The following GRID2 variants were observed in gnomAD, a reference collection of about 807,000 sequenced individuals.
GRID2 encodes glutamate receptor ionotropic, delta-2.
GRID2 carries 33 observed loss-of-function variants against 114.8 expected under a neutral mutation model. The observed-to-expected ratio is 0.29, with a 90% CI of 0.22 to 0.38. The LOEUF (loss-of-function observed/expected upper bound fraction) is 0.38, where lower values mean the gene tolerates loss of function less well. GRID2 is among the 10% of genes least tolerant of loss of function. The probability of loss-of-function intolerance (pLI) is 1.00; values close to 1 mark genes in which losing one functional copy is unlikely to be tolerated. For synonymous variants in GRID2, 505 were observed against 449.9 expected (o/e 1.12, Z -1.55); for missense variants, 1,184 against 1,257.7 (o/e 0.94, Z 0.89).
intron 4 of GRID2, among the ~76,000 whole-genome samples, chr4:93,120,584 T>C (rs1432165412): frequency 6.6e-6 from 1 of 151,968 alleles, no homozygotes; most frequent in Non-Finnish European, 1.5e-5. Context: ...ATCACACACT[T>C]GGGCCTGTCA....
intron 2 of GRID2, among the ~76,000 whole-genome samples, chr4:92,645,348 CT>C (rs1199837925): frequency 7.3e-5 from 11 of 151,650 alleles, no homozygotes; most frequent in African/African-American, 2.4e-4. Flanking sequence ...ACATGTTCCC[CT>C]TTTCTCCCTA....
At chr4:93,115,189 C>G (rs1364012253) in intron 4 of GRID2, among the ~76,000 whole-genome samples, 1 of 151,312 alleles carries the variant, frequency 6.6e-6, no homozygotes, top group Non-Finnish European at 1.5e-5. Flanking sequence ...AAACAAGAGT[C>G]TATTTATTTC....
At chr4:93,742,302 G>A (rs1731490054) in intron 14 of GRID2, among the ~76,000 whole-genome samples, 1 of 152,100 alleles carries the variant, frequency 6.6e-6, no homozygotes, top group Non-Finnish European at 1.5e-5. Context: ...CATGGATTAA[G>A]CATCCTAACT....
chr4:93,644,788 G>A lies in GRID2; in HGVS notation c.2360+18353G>A, dbSNP rs72891205. ...TGGGTCTCAGAGGCTGTAAATATCA[G>A]ACCAGCCTGACTCAATTTAGGACAA... On this transcript the variant is annotated intron_variant, in intron 14 of 15. Coordinates refer to ENST00000282020, the MANE Select transcript of GRID2 (RefSeq NM_001510.4). Among the ~76,000 whole-genome samples, 888 of 152,200 alleles carry A rather than the reference G, an allele frequency of 5.8e-3. 5 individuals carry two copies. Among genetic ancestry groups the A allele is most frequent in the African/African-American group, 0.021 (851 of 41,512 alleles).
chr4:92,907,835 C>A (rs1356672963), intron 2 of GRID2, among the ~76,000 whole-genome samples: 1 of 152,024 alleles, frequency 6.6e-6, no homozygotes, highest in East Asian at 2.0e-4. Context: ...ACCAGCCTGA[C>A]CAACATGGTG....
intron 1 of GRID2, among the ~76,000 whole-genome samples, chr4:92,391,845 A>G (rs981511662): frequency 3.9e-5 from 6 of 152,100 alleles, no homozygotes; most frequent in African/African-American, 1.4e-4. Flanking sequence ...GCTATACAAG[A>G]CTAGCTCACT....
At chr4:92,738,180 G>C (rs1251085043) in intron 2 of GRID2, among the ~76,000 whole-genome samples, 1 of 152,088 alleles carries the variant, frequency 6.6e-6, no homozygotes, top group Non-Finnish European at 1.5e-5. Flanking sequence ...GGCCAGTGAT[G>C]GTGAGAATTT....
intron 2 of GRID2, among the ~76,000 whole-genome samples, chr4:93,023,344 T>C (rs921703808): frequency 2.6e-5 from 4 of 151,872 alleles, no homozygotes; most frequent in Admixed American, 1.3e-4. Flanking sequence ...GAAAAAAATA[T>C]CATAAGATAT....
chr4:93,753,419 G>A (rs1314718001), intron 14 of GRID2, among the ~76,000 whole-genome samples: 1 of 152,088 alleles, frequency 6.6e-6, no homozygotes, highest in Admixed American at 6.6e-5. Context: ...ATTTATACAT[G>A]TGCCATGTTG....
intron 1 of GRID2, among the ~76,000 whole-genome samples, chr4:92,355,765 G>A (rs1728288544): frequency 1.3e-5 from 2 of 151,728 alleles, no homozygotes; most frequent in African/African-American, 4.8e-5. Flanking sequence ...TGAAGGGTTT[G>A]CCTGTTCTCT....
At chr4:93,390,259 A>G (rs1188075541) in intron 8 of GRID2, among the ~76,000 whole-genome samples, 1 of 152,210 alleles carries the variant, frequency 6.6e-6, no homozygotes, top group Non-Finnish European at 1.5e-5. Context: ...CTAATAGTCA[A>G]CAAAATATTC....
At chr4:92,489,389 A>C (rs183437582) in intron 1 of GRID2, among the ~76,000 whole-genome samples, 1 of 152,296 alleles carries the variant, frequency 6.6e-6, no homozygotes, top group Non-Finnish European at 1.5e-5. Flanking sequence ...CATCTCATTG[A>C]AATCTCGATT....
At chr4:92,781,682 C>A (rs1739084431) in intron 2 of GRID2, among the ~76,000 whole-genome samples, 2 of 151,884 alleles carry the variant, frequency 1.3e-5, no homozygotes, top group Admixed American at 6.6e-5. Context: ...TTTCAAACTT[C>A]TACTTTTATC....
At chr4:93,804,334 G>T (rs937674025) in intron 1 of GRID2, among the ~76,000 whole-genome samples, 6 of 152,110 alleles carry the variant, frequency 3.9e-5, no homozygotes, top group African/African-American at 1.4e-4. Context: ...ACATCACAGA[G>T]TGAGTATCCT....
chr4:93,654,712 C>A (rs1722858836), intron 14 of GRID2, among the ~76,000 whole-genome samples: 1 of 151,984 alleles, frequency 6.6e-6, no homozygotes, highest in African/African-American at 2.4e-5. Context: ...ACATATAGAA[C>A]CCAAAAACCC....
chr4:92,851,191 T>G (rs1475900295), intron 2 of GRID2, among the ~76,000 whole-genome samples: 1 of 151,902 alleles, frequency 6.6e-6, no homozygotes, highest in Non-Finnish European at 1.5e-5. Context: ...CTGCTAGACC[T>G]AAAATATTAA....
chr4:92,338,216 T>A (rs2110157044), intron 1 of GRID2, among the ~76,000 whole-genome samples: 1 of 152,306 alleles, frequency 6.6e-6, no homozygotes, highest in African/African-American at 2.4e-5. Context: ...TTGAATAGTT[T>A]GTTATAAATA....
chr4:93,294,012 T>C (rs2149152895), intron 8 of GRID2, among the ~76,000 whole-genome samples: 1 of 152,254 alleles, frequency 6.6e-6, no homozygotes, highest in Non-Finnish European at 1.5e-5. Context: ...GGACAATGGA[T>C]AGTGAATAGA....
rs558454983 is a variant in GRID2 at position 93,554,338 on chromosome 4, T to C, written c.2193+38927T>C. Reference sequence around the variant, plus strand: ...TCCCAATTCTCATTACACTTTGGATTTAACCCTCTTGATACTATTCGTAGA... The same window carrying C: ...TCCCAATTCTCATTACACTTTGGATCTAACCCTCTTGATACTATTCGTAGA... On this transcript the variant is annotated intron_variant, in intron 13 of 15. Transcript: ENST00000282020. 2.6e-5 allele frequency among the ~76,000 whole-genome samples: 4 copies of C among 152,328 alleles called. No individual in the cohort carries two copies. In the East Asian group the frequency reaches 7.7e-4, roughly 29 times the overall value.
Sources: allele counts gnomAD v4.1 joint callset (sites outside exome capture counted in the v4.1 genomes callset), GRCh38; gene constraint gnomAD v4.1.1; transcripts MANE v1.5; gene names NCBI Gene and HGNC (gene_info 2026-07-23, HGNC 2026-07-21).